CDH13: variants seen among roughly 807,000 people sequenced by gnomAD.
The protein encoded by CDH13 is cadherin-13.
CDH13 carries 24 observed loss-of-function variants against 63.8 expected under a neutral mutation model. The observed-to-expected ratio is 0.38, with a 90% CI of 0.27 to 0.53. The LOEUF is 0.53. Ranked by LOEUF, CDH13 falls within the 20% of genes least tolerant of loss-of-function variation. The pLI is 0.85. For missense variants in CDH13, 1,049 were observed against 903.1 expected (o/e 1.16, Z -2.07); for synonymous variants, 503 against 355.3 (o/e 1.42, Z -4.67).
intron 3 of CDH13, among the ~76,000 whole-genome samples, chr16:83,073,390 C>A (rs938373811): frequency 6.9e-6 from 1 of 145,454 alleles, no homozygotes; most frequent in African/African-American, 2.5e-5. Context: ...TTCTTAATTA[C>A]CACACCATAC....
chr16:83,007,601 A>G lies in CDH13; in HGVS notation c.158-24409A>G, dbSNP rs189258302. ...CCCCAGCACTTTGGGAGGCTGGGGC[A>G]GGTGGATTGCTTGAGTCCAGGAGTT... On this transcript the variant is annotated intron_variant, in intron 2 of 13. Transcript: ENST00000567109. Among the ~76,000 whole-genome samples, 9 of 152,176 alleles carry G rather than the reference A, an allele frequency of 5.9e-5. No homozygotes were observed. The East Asian group carries it at 1.7e-3, about 29-fold the overall frequency.
chr16:83,733,556 A>G (rs1460765419), intron 10 of CDH13, among the ~76,000 whole-genome samples: 1 of 152,162 alleles, frequency 6.6e-6, no homozygotes, highest in Non-Finnish European at 1.5e-5. Context: ...AGGCTCAGCC[A>G]TCTATCTCAC....
At chr16:83,578,349 G>A (rs150932977) in intron 7 of CDH13, among the ~76,000 whole-genome samples, 10 of 152,256 alleles carry the variant, frequency 6.6e-5, no homozygotes, top group East Asian at 1.9e-4. Flanking sequence ...CAGACCGGGC[G>A]GTCAATCCCT....
At chr16:83,326,305 A>G (rs2090359824) in intron 5 of CDH13, among the ~76,000 whole-genome samples, 1 of 152,044 alleles carries the variant, frequency 6.6e-6, no homozygotes, top group African/African-American at 2.4e-5. Flanking sequence ...CTATCCCATC[A>G]CTATCTTCTC....
intron 1 of CDH13, among the ~76,000 whole-genome samples, chr16:82,679,213 C>T (rs181369985): frequency 1.3e-5 from 2 of 151,444 alleles, no homozygotes; most frequent in Admixed American, 1.3e-4. Context: ...CTGAGAAGCT[C>T]CAAGGAAGAA....
intron 5 of CDH13, among the ~76,000 whole-genome samples, chr16:83,318,618 G>A (rs1312749422): frequency 6.6e-6 from 1 of 152,172 alleles, no homozygotes; most frequent in African/African-American, 2.4e-5. Flanking sequence ...TGCCTACTTA[G>A]TGGCAGTTCG....
intron 8 of CDH13, among the ~76,000 whole-genome samples, chr16:83,667,697 A>G (rs1488937804): frequency 6.6e-6 from 1 of 152,172 alleles, no homozygotes; most frequent in African/African-American, 2.4e-5. Context: ...TTGCTCTGTC[A>G]CCCAGGCTGG....
At chr16:83,302,343 C>G (rs369796923) in intron 5 of CDH13, among the ~76,000 whole-genome samples, 1 of 152,106 alleles carries the variant, frequency 6.6e-6, no homozygotes, top group Non-Finnish European at 1.5e-5. Context: ...TAGATAATTC[C>G]ATGGCAATCA....
intron 1 of CDH13, among the ~76,000 whole-genome samples, chr16:82,646,732 G>A (rs1027043608): frequency 1.3e-5 from 2 of 152,144 alleles, no homozygotes; most frequent in Non-Finnish European, 2.9e-5. Context: ...GGAAGAGTTA[G>A]GTATGTCAGT....
At chr16:82,640,999 A>G (rs1909327089) in intron 1 of CDH13, among the ~76,000 whole-genome samples, 2 of 152,228 alleles carry the variant, frequency 1.3e-5, no homozygotes, top group South Asian at 4.1e-4. Context: ...AATGATCTCA[A>G]GGTCCATAAG....
intron 8 of CDH13, among the ~76,000 whole-genome samples, chr16:83,661,312 C>T (rs1174296357): frequency 1.3e-5 from 2 of 152,010 alleles, no homozygotes; most frequent in East Asian, 3.9e-4. Context: ...TATAGTGAAA[C>T]CCTGTCTCTA....
chr16:83,744,894 C>T (rs1226138434), intron 10 of CDH13, among the ~76,000 whole-genome samples: 2 of 152,326 alleles, frequency 1.3e-5, no homozygotes, highest in African/African-American at 2.4e-5. Context: ...TCATGTGATG[C>T]TGGCAATGTG....
chr16:83,024,248 C>G (rs1915602419), intron 2 of CDH13, among the ~76,000 whole-genome samples: 1 of 152,134 alleles, frequency 6.6e-6, no homozygotes, highest in African/African-American at 2.4e-5. Context: ...GACACACTTA[C>G]TTCTTTTGAA....
chr16:83,343,658 G>A (rs573615976), intron 5 of CDH13, among the ~76,000 whole-genome samples: 4 of 152,248 alleles, frequency 2.6e-5, no homozygotes, highest in Admixed American at 6.5e-5. Flanking sequence ...TTTGACAATA[G>A]TATTGATAAT....
At chr16:83,269,729 C>G (rs996794358) in intron 5 of CDH13, among the ~76,000 whole-genome samples, 7 of 152,194 alleles carry the variant, frequency 4.6e-5, no homozygotes, top group African/African-American at 1.7e-4. Context: ...TCTTTGACCT[C>G]TGGCCACCTT....
At chr16:83,374,578 G>C (rs2091428149) in intron 6 of CDH13, among the ~76,000 whole-genome samples, 1 of 152,202 alleles carries the variant, frequency 6.6e-6, no homozygotes, top group Non-Finnish European at 1.5e-5. Flanking sequence ...AAGAACATCT[G>C]AGTTGGAACT....
intron 7 of CDH13, among the ~76,000 whole-genome samples, chr16:83,542,088 G>T (rs144013987): frequency 2.0e-5 from 3 of 152,222 alleles, no homozygotes; most frequent in African/African-American, 2.4e-5. Flanking sequence ...TGCTAGAAAT[G>T]CAGAGCCTCA....
intron 8 of CDH13, among the ~76,000 whole-genome samples, chr16:83,659,526 C>G (rs1315011224): frequency 1.3e-5 from 2 of 152,246 alleles, no homozygotes; most frequent in African/African-American, 4.8e-5. Context: ...GTTCTCAGCC[C>G]TTGGCTGTTC....
At chr16:83,662,961 G>A (rs1397303101) in intron 8 of CDH13, among the ~76,000 whole-genome samples, 2 of 152,074 alleles carry the variant, frequency 1.3e-5, no homozygotes, top group Non-Finnish European at 2.9e-5. Flanking sequence ...TTGAGTCCCA[G>A]AAAAAAATCT....
Sources: allele counts gnomAD v4.1 joint callset (sites outside exome capture counted in the v4.1 genomes callset), GRCh38; gene constraint gnomAD v4.1.1; transcripts MANE v1.5; gene names NCBI Gene and HGNC (gene_info 2026-07-23, HGNC 2026-07-21).